TMEM132C: variants seen among roughly 807,000 people sequenced by gnomAD.
The protein encoded by TMEM132C is protein phosphatase 1, regulatory subunit 152.
TMEM132C carries 29 observed loss-of-function variants against 61.4 expected under a neutral mutation model. The ratio of observed to expected loss-of-function variants is 0.47; its 90% CI spans 0.35 to 0.64. The LOEUF (loss-of-function observed/expected upper bound fraction) is 0.64, where lower values mean the gene tolerates loss of function less well. Among genes scored for constraint, TMEM132C ranks in the 30% least tolerant of loss-of-function variants. The pLI, the probability that TMEM132C is intolerant of heterozygous loss-of-function variation, is 0.00. For synonymous variants in TMEM132C, 656 were observed against 633.1 expected (o/e 1.04, Z -0.54); for missense variants, 1,408 against 1,476.9 (o/e 0.95, Z 0.76).
chr12:128,525,336 C>CTG (rs1873047975), intron 2 of TMEM132C, among the ~76,000 whole-genome samples: 1 of 144,564 alleles, frequency 6.9e-6, no homozygotes, highest in African/African-American at 2.7e-5. Flanking sequence ...CTCTCTCTCT[C>CTG]TCTCTCTTTC....
At chr12:128,287,973 G>T (rs566507659) in intron 1 of TMEM132C, among the ~76,000 whole-genome samples, 4 of 151,778 alleles carry the variant, frequency 2.6e-5, no homozygotes, top group Non-Finnish European at 5.9e-5. Flanking sequence ...CGGACATTGA[G>T]TTCTGAATTG....
At chr12:128,691,301 G>A (rs1593150300) in intron 5 of TMEM132C, among the ~76,000 whole-genome samples, 1 of 152,208 alleles carries the variant, frequency 6.6e-6, no homozygotes, top group East Asian at 1.9e-4. Flanking sequence ...TTGTGTTTTT[G>A]TAGCTTTTGG....
intron 2 of TMEM132C, among the ~76,000 whole-genome samples, chr12:128,516,762 A>T (rs1446652307): frequency 3.3e-5 from 5 of 152,238 alleles, no homozygotes; most frequent in Middle Eastern, 3.4e-3. Flanking sequence ...AAAAATTTTT[A>T]AATTAGCCAG....
At chr12:128,682,069 G>A (rs1029840119) in intron 5 of TMEM132C, among the ~76,000 whole-genome samples, 4 of 152,052 alleles carry the variant, frequency 2.6e-5, no homozygotes, top group Non-Finnish European at 4.4e-5. Context: ...GATTGCTCCC[G>A]CTTAGGTCCG....
chr12:128,597,870 G>A (rs966190601), intron 3 of TMEM132C, among the ~76,000 whole-genome samples: 4 of 152,206 alleles, frequency 2.6e-5, no homozygotes, highest in Non-Finnish European at 5.9e-5. Context: ...GAGCAAACAT[G>A]CAGAGAGTAG....
chr12:128,550,062 C>T (rs1478398913), intron 3 of TMEM132C, among the ~76,000 whole-genome samples: 1 of 152,228 alleles, frequency 6.6e-6, no homozygotes, highest in Admixed American at 6.5e-5. Flanking sequence ...CTCTATATCC[C>T]TCGGTAGGTG....
At chr12:128,501,258 A>C (rs1460615933) in intron 2 of TMEM132C, among the ~76,000 whole-genome samples, 1 of 152,214 alleles carries the variant, frequency 6.6e-6, no homozygotes, top group Non-Finnish European at 1.5e-5. Context: ...CAGCATCCTT[A>C]GGCCACTCGA....
chr12:128,571,185 C>T (rs11059769), intron 3 of TMEM132C, among the ~76,000 whole-genome samples: 117,149 of 152,132 alleles, frequency 0.77, 47,033 homozygotes, highest in East Asian at 1. Context: ...CTTGGAAACT[C>T]TCTGTGTCCT....
intron 1 of TMEM132C, among the ~76,000 whole-genome samples, chr12:128,292,059 A>G (rs1253749784): frequency 6.6e-6 from 1 of 152,106 alleles, no homozygotes; most frequent in African/African-American, 2.4e-5. Context: ...GCTGGTATCT[A>G]GGTGTCTCAC....
intron 2 of TMEM132C, among the ~76,000 whole-genome samples, chr12:128,471,954 G>A (rs1870967189): frequency 6.6e-6 from 1 of 152,198 alleles, no homozygotes; most frequent in Admixed American, 6.5e-5. Flanking sequence ...AGTTAGGTAT[G>A]AAGAGCAGTC....
intron 4 of TMEM132C, among the ~76,000 whole-genome samples, chr12:128,623,345 T>G (rs975973557): frequency 2.0e-5 from 3 of 152,054 alleles, no homozygotes; most frequent in Non-Finnish European, 4.4e-5. Context: ...AGCTATGTTC[T>G]GGCACATGCA....
chr12:128,342,170 G>A (rs946007390), intron 1 of TMEM132C, among the ~76,000 whole-genome samples: 7 of 151,958 alleles, frequency 4.6e-5, no homozygotes, highest in Non-Finnish European at 7.4e-5. Flanking sequence ...CACCACGCCC[G>A]GCTAATTTTT....
chr12:128,579,843 T>C (rs1213477224), intron 3 of TMEM132C, among the ~76,000 whole-genome samples: 1 of 152,194 alleles, frequency 6.6e-6, no homozygotes, highest in African/African-American at 2.4e-5. Context: ...TGATCCACTT[T>C]GCTGTATGAA....
At chr12:128,637,076 A>G (rs1954109764) in intron 4 of TMEM132C, among the ~76,000 whole-genome samples, 1 of 152,226 alleles carries the variant, frequency 6.6e-6, no homozygotes, top group African/African-American at 2.4e-5. Flanking sequence ...ATAGGTGTGC[A>G]GATAACTCTT....
chr12:128,403,296 T>C (rs1368523754), intron 1 of TMEM132C, among the ~76,000 whole-genome samples: 1 of 152,188 alleles, frequency 6.6e-6, no homozygotes, highest in Non-Finnish European at 1.5e-5. Context: ...GAAAATCCAG[T>C]CAGGGCTCTC....
At chr12:128,319,875 A>G (rs1281891815) in intron 1 of TMEM132C, among the ~76,000 whole-genome samples, 2 of 151,586 alleles carry the variant, frequency 1.3e-5, no homozygotes, top group Non-Finnish European at 2.9e-5. Flanking sequence ...TGACCTTCCC[A>G]TCTTGCATCT....
chr12:128,579,698 C>G (rs1328580462), intron 3 of TMEM132C, among the ~76,000 whole-genome samples: 5 of 152,102 alleles, frequency 3.3e-5, no homozygotes, highest in Non-Finnish European at 7.3e-5. Context: ...TGCACGTGCT[C>G]TTTGCTGAGT....
At position 128,321,135 on chromosome 12, in the gene TMEM132C, G is replaced by GGAA. The variant is rs1872316026; in HGVS notation, c.85+53648_85+53649insGAA. Among the ~76,000 whole-genome samples, 4 of 128,078 alleles carry GGAA rather than the reference G, an allele frequency of 3.1e-5. No individual in the cohort carries two copies. The South Asian group carries it at 9.5e-4, about 30-fold the overall frequency. The allele number at this position is 128,078 out of a possible 152,430, so 84.0% of individuals were successfully genotyped here. On this transcript the variant is annotated intron_variant, in intron 1 of 8. Transcript: ENST00000435159. Reference sequence around the variant, plus strand: ...GGTCCCTGTCCAGGCTGCCATTTTTGAAAAATAATAATAATAATAATAATA... The same window carrying GGAA: ...GGTCCCTGTCCAGGCTGCCATTTTTGGAAAAAAATAATAATAATAATAATAATA...
rs1875480553 is a variant in TMEM132C at position 128,584,805 on chromosome 12, G to A, written c.1122-31347G>A. Among the ~76,000 whole-genome samples, 3 of 152,298 alleles carry A rather than the reference G, an allele frequency of 2.0e-5. No homozygotes were observed. The South Asian group carries it at 6.2e-4, about 32-fold the overall frequency. On this transcript the variant is annotated intron_variant, in intron 3 of 8. Transcript: ENST00000435159. ...TGCTCCACTGGGCGAGGGCCGGGGG[G>A]TCTTTGCTGTCCTCCACATGGCTGT...
Sources: gnomAD v4.1 joint callset for allele counts (sites outside exome capture counted in the v4.1 genomes callset) on GRCh38, gnomAD v4.1.1 for gene constraint, MANE v1.5 for transcripts, NCBI Gene and HGNC (gene_info 2026-07-23, HGNC 2026-07-21) for gene names.